ADGRB3: variants seen among roughly 807,000 people sequenced by gnomAD.
ADGRB3 encodes the protein adhesion G protein-coupled receptor B3.
Under a neutral mutation model 193.4 loss-of-function variants are expected in ADGRB3, and 37 were observed. The ratio of observed to expected loss-of-function variants is 0.19; its 90% CI spans 0.15 to 0.25. ADGRB3 has a LOEUF of 0.25. ADGRB3 is among the 10% of genes least tolerant of loss of function. The pLI, the probability that ADGRB3 is intolerant of heterozygous loss-of-function variation, is 1.00. For missense variants in ADGRB3, 1,637 were observed against 1,852.9 expected, an observed-to-expected ratio of 0.88 and a Z score of 2.14; for synonymous variants, 690 against 644.2, an observed-to-expected ratio of 1.07 and a Z score of -1.08.
chr6:68,704,661 A>T (rs1200052732), intron 3 of ADGRB3, among the ~76,000 whole-genome samples: 1 of 152,232 alleles, frequency 6.6e-6, no homozygotes, highest in Non-Finnish European at 1.5e-5. Context: ...GTCCAGTTTA[A>T]TTGGAGTCCA....
At chr6:68,949,325 G>T (rs1767855026) in intron 6 of ADGRB3, among the ~76,000 whole-genome samples, 1 of 152,056 alleles carries the variant, frequency 6.6e-6, no homozygotes, top group Non-Finnish European at 1.5e-5. Flanking sequence ...GCTTTCCTGG[G>T]AGCCCAAACC....
At chr6:69,027,417 C>T (rs968110995) in intron 13 of ADGRB3, among the ~76,000 whole-genome samples, 2 of 152,062 alleles carry the variant, frequency 1.3e-5, no homozygotes, top group Non-Finnish European at 2.9e-5. Flanking sequence ...AGGGACTTGC[C>T]TGAGGCTGTT....
rs191421099 is a variant in ADGRB3, at chr6:68,827,514, A to C, written c.758-103045A>C. The stretch of plus-strand genomic sequence containing the variant: ...ATCTGAAGAGAGAGAAAAACTGATA[A>C]TATGGGAGAGAGAAAAGAGAACTGC... On this transcript the variant is annotated intron_variant, in intron 3 of 31. Transcript: ENST00000370598. Among the ~76,000 whole-genome samples the C allele has an allele frequency of 2.9e-3, 444 of 152,244 alleles. 1 individual carries two copies. The highest frequency in any genetic ancestry group is 0.01 in the African/African-American group (436 of 41,542).
At chr6:68,987,193 A>AC (rs1769105007) in intron 10 of ADGRB3, among the ~76,000 whole-genome samples, 3 of 152,164 alleles carry the variant, frequency 2.0e-5, no homozygotes, top group Non-Finnish European at 2.9e-5. Flanking sequence ...TGAAAATTAC[A>AC]AAAAACCTTT....
chr6:68,874,433 A>G (rs1765536905), intron 3 of ADGRB3, among the ~76,000 whole-genome samples: 1 of 152,102 alleles, frequency 6.6e-6, no homozygotes, highest in Non-Finnish European at 1.5e-5. Flanking sequence ...ACACTTTAAA[A>G]CATTCTTTTA....
At chr6:69,012,279 G>A (rs1236904141) in intron 11 of ADGRB3, among the ~76,000 whole-genome samples, 1 of 151,860 alleles carries the variant, frequency 6.6e-6, no homozygotes, top group Non-Finnish European at 1.5e-5. Context: ...TTCTCTTGGT[G>A]TCTCTTGTTA....
chr6:69,180,240 T>A (rs1405938374), intron 17 of ADGRB3, among the ~76,000 whole-genome samples: 21 of 152,102 alleles, frequency 1.4e-4, no homozygotes, highest in Non-Finnish European at 1.5e-5. Context: ...TTAGGATCCC[T>A]GCACATGAAT....
chr6:69,135,843 G>A (rs184499974), intron 17 of ADGRB3, among the ~76,000 whole-genome samples: 3 of 152,180 alleles, frequency 2.0e-5, no homozygotes, highest in Admixed American at 1.3e-4. Flanking sequence ...TGGAAAAGTC[G>A]TAACAAGTTA....
chr6:69,100,000 A>G (rs1331121650), intron 17 of ADGRB3, among the ~76,000 whole-genome samples: 1 of 152,226 alleles, frequency 6.6e-6, no homozygotes, highest in Non-Finnish European at 1.5e-5. Flanking sequence ...TGTTGAAAAT[A>G]GTTTTGGACT....
intron 17 of ADGRB3, among the ~76,000 whole-genome samples, chr6:69,143,576 G>A (rs1356822559): frequency 6.6e-6 from 1 of 152,132 alleles, no homozygotes; most frequent in African/African-American, 2.4e-5. Context: ...AGAGACAGGG[G>A]TGTAGTTTCA....
intron 20 of ADGRB3, among the ~76,000 whole-genome samples, chr6:69,316,919 A>G (rs1261319672): frequency 3.4e-4 from 52 of 151,520 alleles, no homozygotes. Flanking sequence ...TTCGTAGGCT[A>G]AGAGAGTGAA....
At chr6:69,056,883 C>T (rs1737116980) in intron 15 of ADGRB3, among the ~76,000 whole-genome samples, 1 of 152,046 alleles carries the variant, frequency 6.6e-6, no homozygotes, top group African/African-American at 2.4e-5. Flanking sequence ...TAGAGAATAC[C>T]TTTCTTTCTT....
chr6:68,994,986 T>G (rs1769343593), intron 11 of ADGRB3, among the ~76,000 whole-genome samples: 1 of 152,178 alleles, frequency 6.6e-6, no homozygotes. Flanking sequence ...CTAATTTGTA[T>G]AGAGGTACAT....
At chr6:68,713,710 C>T (rs1207051168) in intron 3 of ADGRB3, among the ~76,000 whole-genome samples, 4 of 151,308 alleles carry the variant, frequency 2.6e-5, no homozygotes, top group East Asian at 1.9e-4. Context: ...CTGAACACTC[C>T]AACAGTAGCG....
At chr6:69,176,274 T>C (rs529314379) in intron 17 of ADGRB3, among the ~76,000 whole-genome samples, 229 of 152,336 alleles carry the variant, frequency 1.5e-3, no homozygotes, top group African/African-American at 5.1e-3. Context: ...GCTGCAAGTT[T>C]ATCATGTGTT....
At chr6:69,082,456 C>A (rs76797441) in intron 17 of ADGRB3, among the ~76,000 whole-genome samples, 9,362 of 152,090 alleles carry the variant, frequency 0.062, 359 homozygotes, top group South Asian at 0.11. Context: ...CATCTCATAA[C>A]CTCTCTTCCA....
chr6:68,923,744 A>G lies in ADGRB3; in HGVS notation c.758-6815A>G, dbSNP rs552440653. On this transcript the variant is annotated intron_variant, in intron 3 of 31. Coordinates refer to ENST00000370598, the MANE Select transcript of ADGRB3 (RefSeq NM_001704.3). ...ATTGTCCATCCTTTTGGTAGCCCCTATTAAAATCTTCTCTGAAGACAGAGT... is the reference window on the plus strand; with the variant it reads ...ATTGTCCATCCTTTTGGTAGCCCCTGTTAAAATCTTCTCTGAAGACAGAGT... 8.5e-5 allele frequency among the ~76,000 whole-genome samples: 13 copies of G among 152,208 alleles called. No homozygotes were observed. In the East Asian group the frequency reaches 2.1e-3, roughly 25 times the overall value.
At chr6:68,666,888 G>T (rs960807584) in intron 3 of ADGRB3, among the ~76,000 whole-genome samples, 6 of 151,522 alleles carry the variant, frequency 4.0e-5, no homozygotes, top group Admixed American at 1.3e-4. Flanking sequence ...AAAGGAAAGT[G>T]TTTTGTACTC....
At chr6:68,640,057 G>C (rs1768049074) in intron 3 of ADGRB3, among the ~76,000 whole-genome samples, 1 of 152,196 alleles carries the variant, frequency 6.6e-6, no homozygotes, top group Non-Finnish European at 1.5e-5. Context: ...TCGCACGCTT[G>C]CTCTTTCTTG....
Sources: gnomAD v4.1 joint callset for allele counts (sites outside exome capture counted in the v4.1 genomes callset) on GRCh38, gnomAD v4.1.1 for gene constraint, MANE v1.5 for transcripts, NCBI Gene and HGNC (gene_info 2026-07-23, HGNC 2026-07-21) for gene names.